The following TNIK variants were observed in gnomAD, a reference collection of about 807,000 sequenced individuals.
TNIK encodes the protein TRAF2 and NCK-interacting protein kinase.
Under a neutral mutation model 191.3 loss-of-function variants are expected in TNIK, and 49 were observed. The ratio of observed to expected loss-of-function variants is 0.26; its 90% CI spans 0.20 to 0.32. The LOEUF is 0.32. Ranked by LOEUF, TNIK falls within the 10% of genes least tolerant of loss-of-function variation. The pLI is 1.00. For synonymous variants in TNIK, 594 were observed against 600.9 expected (o/e 0.99, Z 0.17); for missense variants, 1,155 against 1,702.3 (o/e 0.68, Z 5.66).
intron 2 of TNIK, among the ~76,000 whole-genome samples, chr3:171,253,589 T>TCCCCCC (rs67388870): frequency 2.2e-4 from 27 of 121,532 alleles, no homozygotes; most frequent in East Asian, 6.9e-4. Context: ...AGAAGACAGG[T>TCCCCCC]CCCCCCCCCA....
At chr3:171,229,164 G>C (rs942181632) in intron 2 of TNIK, among the ~76,000 whole-genome samples, 26 of 152,168 alleles carry the variant, frequency 1.7e-4, no homozygotes, top group African/African-American at 6.0e-4. Flanking sequence ...GAATTGTAGT[G>C]AGAACGATAT....
Position 171,159,220 on chromosome 3 carries a change from G to T in TNIK, c.1017-1556C>A, listed in dbSNP as rs1474830968. 6.6e-6 allele frequency among the ~76,000 whole-genome samples: 1 copy of T among 152,004 alleles called. No homozygotes were observed. The highest frequency in any genetic ancestry group is 2.4e-5 in the African/African-American group (1 of 41,358). On this transcript the variant is annotated intron_variant, in intron 11 of 32. Transcript: ENST00000436636. This position sits in a 1 kb window ranked among gnomAD's most constrained non-coding sequence, Gnocchi z 4.1. Reference sequence around the variant, plus strand: ...GCAGAGCGGGTGGAGGAGGGAAGGAGCGTTTGGGGATAGAGGTCACGAAGC... The same window carrying T: ...GCAGAGCGGGTGGAGGAGGGAAGGATCGTTTGGGGATAGAGGTCACGAAGC...
At chr3:171,418,300 C>T (rs1723341837) in intron 1 of TNIK, among the ~76,000 whole-genome samples, 1 of 152,158 alleles carries the variant, frequency 6.6e-6, no homozygotes, top group Non-Finnish European at 1.5e-5. Context: ...ACTTACAAAA[C>T]CTTAGAGACT....
At chr3:171,235,133 C>T (rs909300591) in intron 2 of TNIK, among the ~76,000 whole-genome samples, 2 of 152,188 alleles carry the variant, frequency 1.3e-5, no homozygotes, top group African/African-American at 2.4e-5. Flanking sequence ...TCTCCACCTC[C>T]TGGGTTCAAG....
intron 2 of TNIK, among the ~76,000 whole-genome samples, chr3:171,343,004 A>AG (rs1006390342): frequency 6.6e-6 from 1 of 152,152 alleles, no homozygotes; most frequent in African/African-American, 2.4e-5. Context: ...TTTGCCTTCC[A>AG]CCATAATAAT....
At chr3:171,125,880 G>C (rs1418231772) in intron 17 of TNIK, 32 bp downstream of exon 17, 1 of 1,609,804 alleles carries the variant, frequency 6.2e-7, no homozygotes, top group Non-Finnish European at 8.5e-7. Context: ...AGTGATGCTG[G>C]TGATTAAAAA....
chr3:171,079,905 A>G (rs1720448050), intron 27 of TNIK, among the ~76,000 whole-genome samples: 1 of 152,184 alleles, frequency 6.6e-6, no homozygotes, highest in African/African-American at 2.4e-5. Flanking sequence ...TTCTTATTTG[A>G]GCATGTGCTC....
intron 32 of TNIK, among the ~76,000 whole-genome samples, chr3:171,065,272 C>T (rs1718283661): frequency 1.3e-5 from 2 of 152,218 alleles, no homozygotes; most frequent in Non-Finnish European, 2.9e-5. Flanking sequence ...TTGCCACCTG[C>T]AGCTACTGTC....
At chr3:171,426,392 C>CT (rs1724603021) in intron 1 of TNIK, among the ~76,000 whole-genome samples, 2 of 114,780 alleles carry the variant, frequency 1.7e-5, no homozygotes. Flanking sequence ...ACATCACACA[C>CT]TGGGGCCTGT....
At chr3:171,068,430 G>T (rs1333772651) in intron 30 of TNIK, among the ~76,000 whole-genome samples, 5 of 152,044 alleles carry the variant, frequency 3.3e-5, no homozygotes, top group Non-Finnish European at 5.9e-5. Context: ...CTGAAGAGAG[G>T]AACTAAAAAT....
In TNIK at chr3:171,159,957, G is replaced by C. The variant is rs113994587; in HGVS notation, c.1016+1313C>G. Among the ~76,000 whole-genome samples, 1,657 of 152,312 alleles carry C rather than the reference G, an allele frequency of 0.011. 26 individuals are homozygous for C. The highest frequency in any genetic ancestry group is 0.038 in the African/African-American group (1,573 of 41,556). On this transcript the variant is annotated intron_variant, in intron 11 of 32. Transcript: ENST00000436636. The surrounding 1 kb of genome is among the most constrained non-coding windows in gnomAD (Gnocchi z 4.1). Reference sequence around the variant, plus strand: ...TGAGTGACTCCTAATATGCAGTTTAGCAAGTGTTAGAAAGACAGGGTTTCT... The same window carrying C: ...TGAGTGACTCCTAATATGCAGTTTACCAAGTGTTAGAAAGACAGGGTTTCT...
intron 29 of TNIK, among the ~76,000 whole-genome samples, 183 bp from the exon 30 acceptor site, chr3:171,069,180 G>A (rs978851657): frequency 6.6e-6 from 1 of 152,190 alleles, no homozygotes; most frequent in Non-Finnish European, 1.5e-5. Flanking sequence ...GCATCCATTT[G>A]TGCCCCTTTC....
chr3:171,414,207 T>C (rs1160419617), intron 1 of TNIK, among the ~76,000 whole-genome samples: 1 of 152,160 alleles, frequency 6.6e-6, no homozygotes, highest in African/African-American at 2.4e-5. Flanking sequence ...ATTCCCCAGA[T>C]AGGGTCTCAC....
chr3:171,391,768 A>C (rs971396896), intron 1 of TNIK, among the ~76,000 whole-genome samples: 1 of 152,188 alleles, frequency 6.6e-6, no homozygotes, highest in Non-Finnish European at 1.5e-5. Flanking sequence ...TTTTTCAGTT[A>C]ACTTGTAGGC....
At chr3:171,398,719 G>A (rs892999029) in intron 1 of TNIK, among the ~76,000 whole-genome samples, 3 of 152,208 alleles carry the variant, frequency 2.0e-5, no homozygotes, top group Non-Finnish European at 4.4e-5. Flanking sequence ...ATGTCACTGA[G>A]GTAGGGGCAT....
chr3:171,158,986 A>T (rs1733603334), intron 11 of TNIK, among the ~76,000 whole-genome samples: 1 of 152,092 alleles, frequency 6.6e-6, no homozygotes, highest in African/African-American at 2.4e-5. Context: ...AGTGAATGAG[A>T]GGGAGAAGGG....
At chr3:171,147,618 AAATAAT>A (rs551876618) in intron 12 of TNIK, among the ~76,000 whole-genome samples, 1 of 152,220 alleles carries the variant, frequency 6.6e-6, no homozygotes, top group Non-Finnish European at 1.5e-5. Context: ...ATAAAAACAA[AAATAAT>A]AATAACTATA....
chr3:171,393,238 C>T lies in TNIK; in HGVS notation c.58-23553G>A, dbSNP rs117529857. On this transcript the variant is annotated intron_variant, in intron 1 of 32. Transcript: ENST00000436636. ...ATGGTGCAAGCTGAAGCAAAACAGC[C>T]GCAGAAGCAAAATACAATCTCGCGG... Among the ~76,000 whole-genome samples, 417 of 152,308 alleles carry T rather than the reference C, an allele frequency of 2.7e-3. 6 individuals are homozygous for T. In the East Asian group the frequency reaches 0.043, roughly 16 times the overall value.
chr3:171,187,754 C>A (rs2108821989), intron 7 of TNIK, among the ~76,000 whole-genome samples: 1 of 152,274 alleles, frequency 6.6e-6, no homozygotes, highest in South Asian at 2.1e-4. Context: ...GCCTCAGTTT[C>A]TTCATCTGTT....
Sources: allele counts gnomAD v4.1 joint callset (sites outside exome capture counted in the v4.1 genomes callset), GRCh38; gene constraint gnomAD v4.1.1; non-coding constraint Gnocchi (gnomAD v3.1); transcripts MANE v1.5; gene names NCBI Gene and HGNC (gene_info 2026-07-23, HGNC 2026-07-21).